Variants in TAF1B observed in about 807,000 individuals in gnomAD.
The protein encoded by TAF1B is TATA box-binding protein-associated factor RNA polymerase I subunit B.
A neutral mutation model predicts 83.9 loss-of-function variants in TAF1B; 61 were observed. That is an observed-to-expected ratio of 0.73 (90% CI 0.59 to 0.90). The LOEUF (loss-of-function observed/expected upper bound fraction) is 0.90. Among genes scored for constraint, TAF1B ranks in the 40% least tolerant of loss-of-function variants. TAF1B has a pLI of 0.00. For synonymous variants in TAF1B, 221 were observed against 224.6 expected, an observed-to-expected ratio of 0.98 and a Z score of 0.14; for missense variants, 625 against 677.0, an observed-to-expected ratio of 0.92 and a Z score of 0.85.
intron 3 of TAF1B, among the ~76,000 whole-genome samples, chr2:9,849,785 C>T (rs1042488987): frequency 2.9e-4 from 44 of 152,070 alleles, no homozygotes; most frequent in African/African-American, 1.0e-3. Flanking sequence ...AAATTATTTT[C>T]CCTTAAAATG....
intron 6 of TAF1B, among the ~76,000 whole-genome samples, chr2:9,872,616 G>A (rs1333636908): frequency 2.0e-5 from 3 of 152,170 alleles, no homozygotes; most frequent in Admixed American, 6.5e-5. Flanking sequence ...TTTGTCCTCA[G>A]GTTTACATGT....
intron 8 of TAF1B, among the ~76,000 whole-genome samples, chr2:9,896,691 A>G (rs1665030890): frequency 6.8e-6 from 1 of 146,038 alleles, no homozygotes; most frequent in East Asian, 2.1e-4. Context: ...CTTTCTTTCC[A>G]TTAAGTTGTT....
At chr2:9,878,757 CA>C (rs1558246030) in intron 7 of TAF1B, among the ~76,000 whole-genome samples, 1 of 152,174 alleles carries the variant, frequency 6.6e-6, no homozygotes. Context: ...CTTGCTCTCA[CA>C]AATTTCAAGA....
At chr2:9,895,085 TTGTC>T (rs1319984529) in intron 8 of TAF1B, among the ~76,000 whole-genome samples, 14 of 152,358 alleles carry the variant, frequency 9.2e-5, no homozygotes, top group Non-Finnish European at 1.9e-4. Context: ...AGGTTTGTGT[TTGTC>T]TGTACAAGTT....
intron 5 of TAF1B, among the ~76,000 whole-genome samples, chr2:9,859,848 T>A (rs992683548): frequency 2.0e-5 from 3 of 152,218 alleles, no homozygotes; most frequent in African/African-American, 7.2e-5. Flanking sequence ...ATGGTGGTAT[T>A]CCACTCCTGG....
intron 8 of TAF1B, among the ~76,000 whole-genome samples, chr2:9,896,074 T>C (rs552614358): frequency 1.3e-5 from 2 of 152,310 alleles, no homozygotes; most frequent in East Asian, 3.9e-4. Flanking sequence ...TTAAAAAACA[T>C]GTTAAACTTG....
Position 9,875,938 on chromosome 2 carries a change from G to T in TAF1B, c.627G>T (p.Met209Ile). 1 of 1,613,734 alleles carries T rather than the reference G, an allele frequency of 6.2e-7. No individual in the cohort carries two copies. The highest frequency in any genetic ancestry group is 1.1e-5 in the South Asian group (1 of 90,998). ...GAAAGGAGAAGGGAATCGTGAAGATGACCATGCCACAGACACTTGCCTTCT... is the reference window on the plus strand; with the variant it reads ...GAAAGGAGAAGGGAATCGTGAAGATTACCATGCCACAGACACTTGCCTTCT... ...SQRKEKGIVK[M>I]TMPQTLAFCY... The change falls in exon 7 of 15, where the codon ATG (methionine) becomes ATT (isoleucine). Residue 209 changes from methionine (M) to isoleucine (I), a missense_variant. Coordinates refer to ENST00000263663, the MANE Select transcript of TAF1B (RefSeq NM_005680.3).
chr2:9,852,531 G>T (rs978213527), intron 4 of TAF1B, among the ~76,000 whole-genome samples: 2 of 151,690 alleles, frequency 1.3e-5, no homozygotes, highest in African/African-American at 4.8e-5. Context: ...TCGCTCTGTT[G>T]CCCAGGCTGG....
chr2:9,866,720 A>G (rs1397517459), intron 5 of TAF1B, among the ~76,000 whole-genome samples: 1 of 152,224 alleles, frequency 6.6e-6, no homozygotes, highest in African/African-American at 2.4e-5. Context: ...GATTAAGAAA[A>G]TGTGGCACAT....
intron 9 of TAF1B, among the ~76,000 whole-genome samples, chr2:9,906,560 G>A (rs1253676233): frequency 6.6e-6 from 1 of 152,174 alleles, no homozygotes; most frequent in African/African-American, 2.4e-5. Context: ...TGTAAACAGT[G>A]TTGTGTACGT....
intron 7 of TAF1B, among the ~76,000 whole-genome samples, chr2:9,878,799 T>C (rs997790336): frequency 6.6e-6 from 1 of 152,198 alleles, no homozygotes; most frequent in Non-Finnish European, 1.5e-5. Flanking sequence ...CACATACATA[T>C]GGTTGGTGCA....
intron 5 of TAF1B, among the ~76,000 whole-genome samples, chr2:9,856,647 C>A (rs542184759): frequency 1.3e-5 from 2 of 152,188 alleles, no homozygotes; most frequent in South Asian, 4.1e-4. Flanking sequence ...AGAAAATATG[C>A]ATCAGAACCT....
At chr2:9,923,237 CAAAAA>C (rs71391173) in intron 14 of TAF1B, among the ~76,000 whole-genome samples, 1 of 113,072 alleles carries the variant, frequency 8.8e-6, no homozygotes, top group East Asian at 2.6e-4. Context: ...GACTCCATCT[CAAAAA>C]AAAAAAAAAA....
intron 8 of TAF1B, among the ~76,000 whole-genome samples, chr2:9,896,434 T>C (rs1665020175): frequency 6.6e-6 from 1 of 152,162 alleles, no homozygotes; most frequent in Non-Finnish European, 1.5e-5. Context: ...CTTTCTCCGC[T>C]AAGTCTTGGC....
chr2:9,898,364 C>T (rs1665081999), intron 8 of TAF1B, among the ~76,000 whole-genome samples: 1 of 152,150 alleles, frequency 6.6e-6, no homozygotes, highest in South Asian at 2.1e-4. Flanking sequence ...ATTATATAAG[C>T]CTTATCTCTA....
At chr2:9,931,855 CTTTG>C (rs974354281) in intron 14 of TAF1B, among the ~76,000 whole-genome samples, 2 of 152,120 alleles carry the variant, frequency 1.3e-5, no homozygotes, top group African/African-American at 2.4e-5. Context: ...TTCTTGGAGG[CTTTG>C]TTTGTTTCTT....
At chr2:9,843,665 G>T (rs1481624850) in intron 1 of TAF1B, 106 bp downstream of exon 1, 22 of 1,279,828 alleles carry the variant, frequency 1.7e-5, no homozygotes, top group Admixed American at 1.3e-4. Flanking sequence ...CGACGCCACC[G>T]GCTGGAGGAA....
At chr2:9,925,126 A>AT (rs1473016033) in intron 14 of TAF1B, among the ~76,000 whole-genome samples, 2 of 152,080 alleles carry the variant, frequency 1.3e-5, no homozygotes, top group Non-Finnish European at 2.9e-5. Context: ...TTTTTTAACT[A>AT]TTTTTTTAAA....
At chr2:9,851,948 T>C (rs888775484) in intron 4 of TAF1B, 7 of 514,912 alleles carry the variant, frequency 1.4e-5, no homozygotes, top group Admixed American at 2.3e-5. Flanking sequence ...TGTGTGTTAA[T>C]GTGCTTGTTT....
Sources: gnomAD v4.1 joint callset for allele counts (sites outside exome capture counted in the v4.1 genomes callset) on GRCh38, gnomAD v4.1.1 for gene constraint, MANE v1.5 for transcripts, NCBI Gene and HGNC (gene_info 2026-07-23, HGNC 2026-07-21) for gene names.